The following CD163L1 variants were observed in gnomAD, a reference collection of about 807,000 sequenced individuals.
The protein encoded by CD163L1 is scavenger receptor cysteine-rich type 1 protein M160.
Under a neutral mutation model 165.4 loss-of-function variants are expected in CD163L1, and 124 were observed. That is an observed-to-expected ratio of 0.75 (90% CI 0.65 to 0.87). The LOEUF is 0.87. Among genes scored for constraint, CD163L1 ranks in the 40% least tolerant of loss-of-function variants. The pLI is 0.00. For synonymous variants in CD163L1, 585 were observed against 662.2 expected, an observed-to-expected ratio of 0.88 and a Z score of 1.79; for missense variants, 1,525 against 1,799.9, an observed-to-expected ratio of 0.85 and a Z score of 2.76.
intron 4 of CD163L1, among the ~76,000 whole-genome samples, chr12:7,430,267 T>C (rs1358717460): frequency 6.6e-6 from 1 of 152,200 alleles, no homozygotes. Flanking sequence ...AGGTTCTAAG[T>C]ACTCTTCCTG....
chr12:7,421,057 G>GTGTATATATGTA (rs1948352604), intron 4 of CD163L1, among the ~76,000 whole-genome samples: 2 of 79,366 alleles, frequency 2.5e-5, no homozygotes, highest in South Asian at 1.0e-3. Flanking sequence ...ATGTATATAC[G>GTGTATATATGTA]TATATATGTA....
At chr12:7,318,950 T>C in the CD163L1 span, among the ~76,000 whole-genome samples, 156 of 152,308 alleles carry the variant, frequency 1.0e-3, no homozygotes, top group African/African-American at 3.5e-3. Context: ...GAAGACAATT[T>C]TCCCATGGAC....
chr12:7,394,846 C>T (rs1200605493), intron 8 of CD163L1, among the ~76,000 whole-genome samples: 6 of 152,256 alleles, frequency 3.9e-5, no homozygotes, highest in Admixed American at 3.9e-4. Flanking sequence ...TGAGAAAATG[C>T]TCATCATCAC....
At chr12:7,381,648 G>A (rs1947410966) in intron 8 of CD163L1, among the ~76,000 whole-genome samples, 1 of 151,926 alleles carries the variant, frequency 6.6e-6, no homozygotes. Flanking sequence ...TTTTTAAATG[G>A]GGTTTATTTT....
At chr12:7,386,005 C>T (rs1030473556) in intron 8 of CD163L1, among the ~76,000 whole-genome samples, 3 of 151,818 alleles carry the variant, frequency 2.0e-5, no homozygotes, top group African/African-American at 7.3e-5. Flanking sequence ...TAGATCAGAG[C>T]AGAATTAAAC....
At position 7,397,235 on chromosome 12, in the gene CD163L1, T is replaced by G. The variant is rs367557271; in HGVS notation, c.1730-820A>C. Among the ~76,000 whole-genome samples the G allele has an allele frequency of 3.7e-4, 56 of 152,306 alleles. 1 individual carries two copies. The highest frequency in any genetic ancestry group is 1.1e-3 in the African/African-American group (44 of 41,558). On this transcript the variant is annotated intron_variant, in intron 7 of 19. Coordinates refer to ENST00000313599, the MANE Select transcript of CD163L1 (RefSeq NM_174941.6). Reference sequence around the variant, plus strand: ...GTCAAACTTACAAGCATAATTAGATTGGCTGGCTGCTCCCCATTGCACTGG... The same window carrying G: ...GTCAAACTTACAAGCATAATTAGATGGGCTGGCTGCTCCCCATTGCACTGG...
chr12:7,420,417 G>T (rs1199689072), intron 4 of CD163L1, among the ~76,000 whole-genome samples: 1 of 151,854 alleles, frequency 6.6e-6, no homozygotes, highest in African/African-American at 2.4e-5. Flanking sequence ...AGGGCAAACA[G>T]AAAACCCACA....
chr12:7,419,608 A>G (rs771123936), intron 4 of CD163L1, among the ~76,000 whole-genome samples: 8 of 152,218 alleles, frequency 5.3e-5, no homozygotes, highest in African/African-American at 1.9e-4. Flanking sequence ...AGAAAACCCT[A>G]AAGACCTCCA....
At chr12:7,361,921 C>T (rs1946900655) in intron 18 of CD163L1, among the ~76,000 whole-genome samples, 1 of 151,868 alleles carries the variant, frequency 6.6e-6, no homozygotes, top group South Asian at 2.1e-4. Context: ...CATTCTCCCT[C>T]CTCCAGCCCC....
the CD163L1 span, among the ~76,000 whole-genome samples, chr12:7,338,163 CGGA>C: frequency 6.6e-6 from 1 of 151,724 alleles, no homozygotes; most frequent in African/African-American, 2.4e-5. Flanking sequence ...TGGGGCTTGT[CGGA>C]GGAAGAAGGG....
intron 17 of CD163L1, chr12:7,367,673 T>C: frequency 4.4e-6 from 1 of 225,640 alleles, no homozygotes. Context: ...GGAAAGGTAG[T>C]TTCTAGCCAA....
At chr12:7,426,926 A>G (rs1398627468) in intron 4 of CD163L1, among the ~76,000 whole-genome samples, 1 of 152,170 alleles carries the variant, frequency 6.6e-6, no homozygotes, top group Non-Finnish European at 1.5e-5. Flanking sequence ...CTGACAAAAC[A>G]GATTTAAGTC....
the CD163L1 span, among the ~76,000 whole-genome samples, chr12:7,318,778 A>G: frequency 6.6e-6 from 1 of 152,206 alleles, no homozygotes; most frequent in East Asian, 1.9e-4. Flanking sequence ...TTATTTTTCA[A>G]CCATGGCAAA....
chr12:7,437,159 ATT>A (rs945489173), intron 2 of CD163L1, among the ~76,000 whole-genome samples: 1 of 50,752 alleles, frequency 2.0e-5, no homozygotes, highest in Non-Finnish European at 3.7e-5. Context: ...TTATACTTTT[ATT>A]TTTATTAATA....
chr12:7,428,284 A>C (rs886888708), intron 4 of CD163L1, among the ~76,000 whole-genome samples: 1 of 152,104 alleles, frequency 6.6e-6, no homozygotes, highest in Non-Finnish European at 1.5e-5. Flanking sequence ...TGATAAAAAA[A>C]ATTTTTTTAA....
At position 7,349,679 on chromosome 12, in the gene CD163L1, C is replaced by T. The variant is rs139055985; in HGVS notation, c.*25-2532G>A. ...AGATACATTTCTTTGTAAGTGTATC[C>T]TCAGCCACTTGTACTATGCTTTGGG... On this transcript the variant is annotated intron_variant, in intron 4 of 4. Coordinates refer to the CD163L1 transcript ENST00000539726. Among the ~76,000 whole-genome samples, 239 of 152,252 alleles carry T rather than the reference C, an allele frequency of 1.6e-3. 2 individuals carry two copies. Among genetic ancestry groups the T allele is most frequent in the African/African-American group, 5.6e-3 (234 of 41,544 alleles).
At chr12:7,436,604 T>C (rs777392277) in intron 2 of CD163L1, among the ~76,000 whole-genome samples, 4 of 152,184 alleles carry the variant, frequency 2.6e-5, no homozygotes, top group Admixed American at 2.0e-4. Flanking sequence ...AGACCCTACC[T>C]GTAAAAAATT....
At chr12:7,345,457 A>T (rs997493241), downstream of CD163L1, among the ~76,000 whole-genome samples, 17 of 152,248 alleles carry the variant, frequency 1.1e-4, no homozygotes, top group East Asian at 2.5e-3. Flanking sequence ...TTCATTTGAG[A>T]CTTCCCCAGC....
At chr12:7,325,016 C>T in the CD163L1 span, among the ~76,000 whole-genome samples, 2 of 152,148 alleles carry the variant, frequency 1.3e-5, no homozygotes, top group South Asian at 2.1e-4. Context: ...GGTGTATACA[C>T]CTTAGCAACC....
Sources: gnomAD v4.1 joint callset for allele counts (sites outside exome capture counted in the v4.1 genomes callset) on GRCh38, gnomAD v4.1.1 for gene constraint, MANE v1.5 for transcripts, NCBI Gene and HGNC (gene_info 2026-07-23, HGNC 2026-07-21) for gene names.